PCDHGA4: variants seen among roughly 807,000 people sequenced by gnomAD.
PCDHGA4 encodes protocadherin gamma-A4.
Under a neutral mutation model 54.6 loss-of-function variants are expected in PCDHGA4, and 38 were observed. That is an observed-to-expected ratio of 0.70 (90% CI 0.54 to 0.91). The LOEUF (loss-of-function observed/expected upper bound fraction) is 0.91. Ranked by LOEUF, PCDHGA4 falls within the 40% of genes least tolerant of loss-of-function variation. PCDHGA4 has a pLI of 0.00. For synonymous variants in PCDHGA4, 511 were observed against 512.9 expected, an observed-to-expected ratio of 1.00 and a Z score of 0.05; for missense variants, 1,298 against 1,220.9, an observed-to-expected ratio of 1.06 and a Z score of -0.94.
intron 1 of PCDHGA4, among the ~76,000 whole-genome samples, chr5:141,482,048 G>A (rs375214441): frequency 1.3e-5 from 2 of 150,044 alleles, no homozygotes; most frequent in Non-Finnish European, 2.9e-5. Flanking sequence ...TCATGCTGTT[G>A]CATTCCAGCC....
intron 1 of PCDHGA4, chr5:141,375,779 G>A (rs749559180): frequency 1.9e-6 from 3 of 1,614,176 alleles, no homozygotes; most frequent in South Asian, 1.1e-5. Flanking sequence ...CCTGTACCCC[G>A]CCCTCCCCAC....
At chr5:141,502,547 C>G (rs1340258642) in intron 2 of PCDHGA4, among the ~76,000 whole-genome samples, 2 of 152,156 alleles carry the variant, frequency 1.3e-5, no homozygotes, top group East Asian at 3.8e-4. Context: ...GTGGTAAAAA[C>G]AGTGTCCCAG....
chr5:141,395,463 C>A, intron 1 of PCDHGA4: 1 of 582,522 alleles, frequency 1.7e-6, no homozygotes, highest in Non-Finnish European at 2.9e-6. Flanking sequence ...CCATTTTAAG[C>A]CTTCCAGTAT....
At chr5:141,419,378 G>A in intron 1 of PCDHGA4, 3 of 1,613,710 alleles carry the variant, frequency 1.9e-6, no homozygotes, top group Non-Finnish European at 2.5e-6. Context: ...CTACGTGTCC[G>A]TGAGCGCGCA....
Position 141,393,407 on chromosome 5 carries a change from C to T in PCDHGA4, c.2514+35786C>T, listed in dbSNP as rs766086453. ...TAAACCCAGAGCTGGTGCTGGAGCG[C>T]GCCCTGGACAGGGAGGAAGAGGCTG... On this transcript the variant is annotated intron_variant, in intron 1 of 3. Transcript: ENST00000571252. 3.1e-6 allele frequency: 5 copies of T among 1,614,056 alleles called. No individual in the cohort carries two copies. In the South Asian group the frequency reaches 5.5e-5, roughly 18 times the overall value.
chr5:141,355,669 G>A lies in PCDHGA4; in HGVS notation c.562G>A (p.Ala188Thr). Residue 188 changes from alanine (A) to threonine (T), a missense_variant, in exon 1 of 4, where the codon GCT becomes ACT. Coordinates refer to ENST00000571252, the MANE Select transcript of PCDHGA4 (RefSeq NM_018917.4). ...TGGGGCAAGATTTCCTCTTCCTGAA[G>A]CTTTTGATCCGGATGTAGGTGTAAA... is the stretch of plus-strand genomic sequence containing the variant. ...NPGARFPLPE[A>T]FDPDVGVNSL... The A allele has an allele frequency of 2.5e-6, 4 of 1,614,022 alleles. No homozygotes were observed. Among genetic ancestry groups the A allele is most frequent in the Non-Finnish European group, 3.4e-6 (4 of 1,179,892 alleles).
intron 1 of PCDHGA4, chr5:141,412,993 G>T (rs1401025160): frequency 1.2e-5 from 7 of 574,186 alleles, no homozygotes; most frequent in Non-Finnish European, 1.8e-5. Context: ...GCTCAATCCG[G>T]ATTCTCAGGG....
intron 1 of PCDHGA4, chr5:141,442,056 C>T: frequency 5.0e-6 from 1 of 198,150 alleles, no homozygotes; most frequent in Non-Finnish European, 1.0e-5. Flanking sequence ...GGTCGCGGTG[C>T]ACTGCGGTGG....
At chr5:141,384,213 A>G (rs1779846196) in intron 1 of PCDHGA4, 2 of 1,613,872 alleles carry the variant, frequency 1.2e-6, no homozygotes, top group Non-Finnish European at 1.7e-6. Context: ...AAACTCACAT[A>G]TTCATGCAGG....
In PCDHGA4 at chr5:141,489,432, G is replaced by A. The variant is rs2099687138; in HGVS notation, c.2515-5375G>A. ...TGACAGATCTGTTGAGCCGGCGGCTGCAATTGGGCTCTGAGGAGAATGGGC... is the reference window on the plus strand; with the variant it reads ...TGACAGATCTGTTGAGCCGGCGGCTACAATTGGGCTCTGAGGAGAATGGGC... On this transcript the variant is annotated intron_variant, in intron 1 of 3. Transcript: ENST00000571252. The surrounding 1 kb of genome is among the most constrained non-coding windows in gnomAD (Gnocchi z 4.5). 3.1e-6 allele frequency: 5 copies of A among 1,614,166 alleles called. No individual in the cohort carries two copies. Among genetic ancestry groups the A allele is most frequent in the Non-Finnish European group, 4.2e-6 (5 of 1,180,036 alleles).
intron 2 of PCDHGA4, among the ~76,000 whole-genome samples, chr5:141,497,721 G>A (rs2099778948): frequency 6.6e-6 from 1 of 152,006 alleles, no homozygotes; most frequent in African/African-American, 2.4e-5. Flanking sequence ...TGTATTTTTA[G>A]TAGAGATGGG....
intron 1 of PCDHGA4, among the ~76,000 whole-genome samples, chr5:141,494,397 A>G (rs965158973): frequency 7.2e-5 from 11 of 152,208 alleles, no homozygotes; most frequent in African/African-American, 2.4e-4. Flanking sequence ...GAATAAATTC[A>G]TTCTAGGGCT....
intron 1 of PCDHGA4, chr5:141,414,536 C>T (rs2095757034): frequency 6.2e-7 from 1 of 1,613,976 alleles, no homozygotes; most frequent in African/African-American, 1.3e-5. Context: ...GACAACCCAC[C>T]TACCTTCTCT....
At chr5:141,445,109 T>C (rs571834974) in intron 1 of PCDHGA4, among the ~76,000 whole-genome samples, 23 of 152,246 alleles carry the variant, frequency 1.5e-4, no homozygotes, top group Non-Finnish European at 2.8e-4. Flanking sequence ...TCTAATGTTA[T>C]TGTAAATAGT....
chr5:141,383,876 G>T (rs747987128), intron 1 of PCDHGA4: 1 of 1,613,978 alleles, frequency 6.2e-7, no homozygotes, highest in South Asian at 1.1e-5. Flanking sequence ...GATGGTCCTG[G>T]TAGTCTGACA....
chr5:141,394,524 G>T lies in PCDHGA4; in HGVS notation c.2514+36903G>T, dbSNP rs977174958. 13 of 1,614,214 alleles carry T rather than the reference G, an allele frequency of 8.1e-6. No homozygotes were observed. ...CCTGTACCCCGCCCTCCCCACAGAC[G>T]GTTCCACTGGCGTGGAGCTGGCGCC... On this transcript the variant is annotated intron_variant, in intron 1 of 3. Coordinates refer to ENST00000571252, the MANE Select transcript of PCDHGA4 (RefSeq NM_018917.4).
chr5:141,372,630 A>G, intron 1 of PCDHGA4: 1 of 1,614,014 alleles, frequency 6.2e-7, no homozygotes, highest in Non-Finnish European at 8.5e-7. Flanking sequence ...CTACAGCGAA[A>G]GGACTTTGCC....
At chr5:141,495,104 G>C (rs552664771) in intron 2 of PCDHGA4, among the ~76,000 whole-genome samples, 16 of 152,194 alleles carry the variant, frequency 1.1e-4, no homozygotes, top group Admixed American at 8.5e-4. Flanking sequence ...CGCCACGACC[G>C]GCACCTTTTC....
At chr5:141,381,826 C>CTTT (rs770630741) in intron 1 of PCDHGA4, among the ~76,000 whole-genome samples, 5,488 of 73,990 alleles carry the variant, frequency 0.074, 263 homozygotes, top group Admixed American at 0.16. Context: ...CTTTCTTCTT[C>CTTT]TTTTTTTTTT....
Sources: allele counts gnomAD v4.1 joint callset (sites outside exome capture counted in the v4.1 genomes callset), GRCh38; gene constraint gnomAD v4.1.1; non-coding constraint Gnocchi (gnomAD v3.1); transcripts MANE v1.5; gene names NCBI Gene and HGNC (gene_info 2026-07-23, HGNC 2026-07-21).